Variants in TMEM154 observed in about 807,000 individuals in gnomAD.
The protein encoded by TMEM154 is transmembrane protein 154.
A neutral mutation model predicts 24.5 loss-of-function variants in TMEM154; 27 were observed. The observed-to-expected ratio is 1.10, with a 90% CI of 0.81 to 1.52. The LOEUF (loss-of-function observed/expected upper bound fraction) is 1.52. Among genes scored for constraint, TMEM154 ranks in the 40% most tolerant of loss-of-function variants. TMEM154 has a pLI of 0.00. For synonymous variants in TMEM154, 67 were observed against 76.8 expected (o/e 0.87, Z 0.67); for missense variants, 228 against 213.4 (o/e 1.07, Z -0.43).
chr4:152,663,041 A>G (rs1017847538), intron 1 of TMEM154, among the ~76,000 whole-genome samples: 2 of 152,314 alleles, frequency 1.3e-5, no homozygotes, highest in African/African-American at 4.8e-5. Context: ...CCATTTCCTA[A>G]AAGCCAAAAA....
At chr4:152,639,033 C>A (rs1026260962) in intron 6 of TMEM154, among the ~76,000 whole-genome samples, 2 of 152,146 alleles carry the variant, frequency 1.3e-5, no homozygotes, top group Non-Finnish European at 2.9e-5. Flanking sequence ...TCACTGCAAT[C>A]TCCGCCTTCC....
chr4:152,648,043 A>AGAAG (rs756292000), intron 3 of TMEM154, among the ~76,000 whole-genome samples: 14 of 152,180 alleles, frequency 9.2e-5, no homozygotes, highest in South Asian at 4.1e-4. Flanking sequence ...AAGAAAAAAG[A>AGAAG]GAAGGAAGGA....
intron 6 of TMEM154, 76 bp from the exon 7 acceptor site, chr4:152,628,637 TC>T: frequency 1.6e-6 from 2 of 1,215,916 alleles, no homozygotes; most frequent in Non-Finnish European, 2.1e-6. Context: ...TATATTTCTT[TC>T]TTTTTTTTTT....
At position 152,631,836 on chromosome 4, in the gene TMEM154, G is replaced by A. The variant is rs868596583; in HGVS notation, c.537-3275C>T. ...TTTTTTTTTTTTGAGACAGAGTCTCGCTCTGTCACCCAGGCTGGAGTGCAG... is the reference window on the plus strand; with the variant it reads ...TTTTTTTTTTTTGAGACAGAGTCTCACTCTGTCACCCAGGCTGGAGTGCAG... On this transcript the variant is annotated intron_variant, in intron 6 of 6. Coordinates refer to ENST00000304385, the MANE Select transcript of TMEM154 (RefSeq NM_152680.3). Among the ~76,000 whole-genome samples the A allele has an allele frequency of 1.6e-4, 17 of 106,452 alleles. No homozygotes were observed. In the South Asian group the frequency reaches 2.0e-3, roughly 13 times the overall value. 69.8% of individuals were successfully genotyped at this position (106,452 alleles called of 152,430 possible).
At chr4:152,679,114 A>G (rs752791529) in intron 1 of TMEM154, among the ~76,000 whole-genome samples, 1 of 152,240 alleles carries the variant, frequency 6.6e-6, no homozygotes, top group Non-Finnish European at 1.5e-5. Flanking sequence ...TGCTTGTTGT[A>G]GCAACTGGCA....
chr4:152,662,876 G>A (rs949353280), intron 1 of TMEM154, among the ~76,000 whole-genome samples: 2 of 152,080 alleles, frequency 1.3e-5, no homozygotes, highest in Non-Finnish European at 2.9e-5. Flanking sequence ...AACACACAGG[G>A]GTACTTCCCT....
At chr4:152,669,557 A>G (rs1258825348) in intron 1 of TMEM154, 2 of 152,254 alleles carry the variant, frequency 1.3e-5, no homozygotes, top group Non-Finnish European at 2.9e-5. Context: ...TGAAATTCAC[A>G]TTTAACTGGT....
intron 1 of TMEM154, among the ~76,000 whole-genome samples, chr4:152,677,377 C>T (rs1227484123): frequency 6.6e-6 from 1 of 152,218 alleles, no homozygotes; most frequent in African/African-American, 2.4e-5. Context: ...TCAGAGTATA[C>T]TCACAAACAG....
intron 4 of TMEM154, among the ~76,000 whole-genome samples, chr4:152,643,729 C>T (rs938767052): frequency 5.3e-5 from 8 of 152,128 alleles, no homozygotes; most frequent in East Asian, 1.9e-4. Context: ...GGACAGAGTC[C>T]GTGGTTAGTG....
intron 6 of TMEM154, among the ~76,000 whole-genome samples, chr4:152,637,958 C>G (rs1306859294): frequency 6.6e-6 from 1 of 152,198 alleles, no homozygotes; most frequent in Non-Finnish European, 1.5e-5. Flanking sequence ...GTGTTACTAT[C>G]CTTTTAAAAA....
At chr4:152,632,491 A>G (rs1248161624) in intron 6 of TMEM154, among the ~76,000 whole-genome samples, 2 of 152,208 alleles carry the variant, frequency 1.3e-5, no homozygotes, top group Non-Finnish European at 2.9e-5. Context: ...GTAACCAGTT[A>G]TTCTTCCAGA....
chr4:152,652,506 C>CA, intron 3 of TMEM154, 32 bp downstream of exon 3: 1 of 1,611,950 alleles, frequency 6.2e-7, no homozygotes, highest in Non-Finnish European at 8.5e-7. Flanking sequence ...ATCCCACCCC[C>CA]ACCTGTAGGC....
intron 3 of TMEM154, among the ~76,000 whole-genome samples, chr4:152,645,545 A>G (rs1752345278): frequency 6.6e-6 from 1 of 152,246 alleles, no homozygotes; most frequent in South Asian, 2.1e-4. Flanking sequence ...AGTGGATAGC[A>G]TAGGCCTGCT....
chr4:152,643,280 G>T, intron 4 of TMEM154, 107 bp from the exon 5 acceptor site: 1 of 839,918 alleles, frequency 1.2e-6, no homozygotes, highest in Non-Finnish European at 1.9e-6. Flanking sequence ...ACTTGATTCA[G>T]TGCCTTATGC....
intron 1 of TMEM154, among the ~76,000 whole-genome samples, chr4:152,678,526 G>A (rs1408802193): frequency 3.3e-5 from 5 of 151,068 alleles, no homozygotes; most frequent in South Asian, 2.1e-4. Flanking sequence ...GTTCCGGGGC[G>A]GCGGTGGGGG....
rs11269719 is a variant in TMEM154, at chr4:152,619,429, T to TATTTGAGAACAACAA, written c.*9116_*9117insTTGTTGTTCTCAAAT. 6.6e-6 allele frequency: 1 copy of TATTTGAGAACAACAA among 152,038 alleles called. No homozygotes were observed. The highest frequency in any genetic ancestry group is 1.5e-5 in the Non-Finnish European group (1 of 68,016). The allele number at this position is 152,038 out of a possible 1,614,324, so 9.4% of individuals were successfully genotyped here. On this transcript the variant is annotated 3_prime_UTR_variant, in exon 7 of 7. Transcript: ENST00000304385. ...CCAACGGTGCCTGCAACAAATCCCTTATCCCACTTGCTCTTCTCATAATGT... is the reference window on the plus strand; with the variant it reads ...CCAACGGTGCCTGCAACAAATCCCTTATTTGAGAACAACAAATCCCACTTGCTCTTCTCATAATGT...
chr4:152,650,678 C>T (rs1002600965), intron 3 of TMEM154, among the ~76,000 whole-genome samples: 2 of 152,140 alleles, frequency 1.3e-5, no homozygotes, highest in African/African-American at 4.8e-5. Flanking sequence ...AAGATTCCTT[C>T]CCAGATTTAT....
intron 6 of TMEM154, among the ~76,000 whole-genome samples, chr4:152,638,571 T>C (rs1752192827): frequency 6.6e-6 from 1 of 152,256 alleles, no homozygotes; most frequent in Non-Finnish European, 1.5e-5. Context: ...AGTGAGTTTC[T>C]GTACATCAGT....
chr4:152,631,207 C>T lies in TMEM154; in HGVS notation c.537-2646G>A, dbSNP rs546857295. Reference sequence around the variant, plus strand: ...AGAAATTTTTACAATTTACATTCTTCCAACACTACTCTTTAGGGAACTATC... The same window carrying T: ...AGAAATTTTTACAATTTACATTCTTTCAACACTACTCTTTAGGGAACTATC... On this transcript the variant is annotated intron_variant, in intron 6 of 6. Coordinates refer to ENST00000304385, the MANE Select transcript of TMEM154 (RefSeq NM_152680.3). Among the ~76,000 whole-genome samples the T allele has an allele frequency of 2.6e-5, 4 of 152,258 alleles. No homozygotes were observed. The South Asian group carries it at 8.3e-4, about 32-fold the overall frequency.
Sources: allele counts gnomAD v4.1 joint callset (sites outside exome capture counted in the v4.1 genomes callset), GRCh38; gene constraint gnomAD v4.1.1; transcripts MANE v1.5; gene names NCBI Gene and HGNC (gene_info 2026-07-23, HGNC 2026-07-21).